Variants in CCDC138 observed in about 807,000 individuals in gnomAD.
CCDC138 encodes the protein coiled-coil domain containing 138.
A neutral mutation model predicts 82.3 loss-of-function variants in CCDC138; 66 were observed. The ratio of observed to expected loss-of-function variants is 0.80; its 90% confidence interval spans 0.66 to 0.98. The LOEUF (loss-of-function observed/expected upper bound fraction) is 0.98, where lower values mean the gene tolerates loss of function less well. Ranked by LOEUF, CCDC138 falls within the 50% of genes least tolerant of loss-of-function variation. The pLI is 0.00. For synonymous variants in CCDC138, 297 were observed against 265.4 expected (o/e 1.12, Z -1.16); for missense variants, 816 against 758.9 (o/e 1.08, Z -0.88).
At chr2:108,811,226 C>G (rs1277946209) in intron 7 of CCDC138, among the ~76,000 whole-genome samples, 1 of 130,052 alleles carries the variant, frequency 7.7e-6, no homozygotes, top group Non-Finnish European at 1.6e-5. Context: ...TCTTCTCTCC[C>G]TTTTCTTTCT....
At chr2:108,853,879 A>T (rs1055843992) in intron 12 of CCDC138, among the ~76,000 whole-genome samples, 2 of 123,098 alleles carry the variant, frequency 1.6e-5, no homozygotes, top group South Asian at 2.2e-4. Context: ...ATACTATATA[A>T]TATATTATAT....
chr2:108,824,171 T>A (rs78956205), intron 10 of CCDC138, among the ~76,000 whole-genome samples: 300 of 7,154 alleles, frequency 0.042, no homozygotes, highest in African/African-American at 0.073. Flanking sequence ...GAAAAAAAAA[T>A]TTTTTCTTCA....
At chr2:108,822,403 A>G (rs1477385814) in intron 10 of CCDC138, among the ~76,000 whole-genome samples, 2 of 152,216 alleles carry the variant, frequency 1.3e-5, no homozygotes, top group Non-Finnish European at 2.9e-5. Flanking sequence ...ACTAGACAGA[A>G]TATAAGTAAG....
chr2:108,839,172 A>G lies in CCDC138; in HGVS notation c.1207-13A>G, dbSNP rs749850934. ...TGTGCCTTTGTATTTATTTTCCATC[A>G]TTTTATCTTTAGCTTTTGCCTCTAA... On this transcript the variant is annotated splice_polypyrimidine_tract_variant and intron_variant, in intron 10 of 14. Transcript: ENST00000295124. 1.8e-5 allele frequency: 28 copies of G among 1,594,590 alleles called. No homozygotes were observed. The highest frequency in any genetic ancestry group is 2.4e-5 in the Non-Finnish European group (28 of 1,171,910).
rs773195278 is a variant in CCDC138, at chr2:108,788,953, G to A, written c.253G>A (p.Val85Ile). Residue 85 changes from valine to isoleucine, a missense_variant, in exon 3 of 15, where the codon GTA (valine) becomes ATA (isoleucine). Val to Ile is a conservative substitution (Grantham distance 29). Transcript: ENST00000295124. Reference sequence around the variant, plus strand: ...ACCATTGGGCAGCTTATTCAAGCACGTAAATGTGAATTGGTAAAGTACCCT... The same window carrying A: ...ACCATTGGGCAGCTTATTCAAGCACATAAATGTGAATTGGTAAAGTACCCT... ...RTPLGSLFKH[V>I]NVNCLDDELD... 1.2e-5 allele frequency: 20 copies of A among 1,613,834 alleles called. No individual in the cohort carries two copies. Among genetic ancestry groups the A allele is most frequent in the Non-Finnish European group, 1.5e-5 (18 of 1,179,948 alleles).
chr2:108,787,711 GT>G (rs201977919), intron 1 of CCDC138, among the ~76,000 whole-genome samples: 40 of 147,840 alleles, frequency 2.7e-4, no homozygotes, highest in African/African-American at 8.2e-4. Context: ...CTGTAAGGTT[GT>G]TTTTTTTTTG....
At chr2:108,853,730 T>C (rs11898227) in intron 12 of CCDC138, among the ~76,000 whole-genome samples, 2,677 of 148,026 alleles carry the variant, frequency 0.018, 94 homozygotes, top group African/African-American at 0.065. Context: ...CTTGCCATGT[T>C]GCCCAAGCTG....
At chr2:108,795,758 G>C (rs1305286289) in intron 5 of CCDC138, among the ~76,000 whole-genome samples, 1 of 152,184 alleles carries the variant, frequency 6.6e-6, no homozygotes, top group Non-Finnish European at 1.5e-5. Flanking sequence ...AATTGGAAAT[G>C]AGAGGTGTTC....
chr2:108,854,962 A>G (rs548708846), intron 12 of CCDC138, among the ~76,000 whole-genome samples: 5 of 152,348 alleles, frequency 3.3e-5, no homozygotes, highest in African/African-American at 9.6e-5. Flanking sequence ...ACCATATTTC[A>G]TACTGATTAA....
chr2:108,838,301 A>G (rs1337948912), intron 10 of CCDC138, among the ~76,000 whole-genome samples: 1 of 152,218 alleles, frequency 6.6e-6, no homozygotes, highest in Non-Finnish European at 1.5e-5. Context: ...TAAGACGTCC[A>G]AAACATCATA....
chr2:108,811,107 T>C (rs10187963), intron 7 of CCDC138, among the ~76,000 whole-genome samples: 1 of 6,892 alleles, frequency 1.5e-4, no homozygotes, highest in South Asian at 4.8e-3. Context: ...TTTCTTTTTT[T>C]TTTTCTTTTT....
intron 13 of CCDC138, among the ~76,000 whole-genome samples, chr2:108,867,934 T>A (rs1374316170): frequency 1.3e-5 from 2 of 152,182 alleles, no homozygotes; most frequent in African/African-American, 2.4e-5. Flanking sequence ...AAAAATAATT[T>A]TATTCTGATT....
chr2:108,794,517 T>C (rs756010546), intron 4 of CCDC138, 23 bp from the exon 5 acceptor site: 2 of 1,579,248 alleles, frequency 1.3e-6, no homozygotes, highest in Admixed American at 3.7e-5. Context: ...AAGTTTATAA[T>C]GCAAATGTTA....
At chr2:108,808,382 G>A (rs1683211910) in intron 7 of CCDC138, among the ~76,000 whole-genome samples, 2 of 152,116 alleles carry the variant, frequency 1.3e-5, no homozygotes, top group South Asian at 4.1e-4. Context: ...ACCCAGAAGT[G>A]GTATTGCAGG....
intron 6 of CCDC138, among the ~76,000 whole-genome samples, chr2:108,799,421 C>T (rs1460927635): frequency 3.3e-5 from 5 of 152,150 alleles, no homozygotes; most frequent in Admixed American, 6.5e-5. Context: ...TAGTTCAGCT[C>T]GCCAGCAGTT....
chr2:108,865,409 A>G (rs1694266610), intron 13 of CCDC138, among the ~76,000 whole-genome samples: 1 of 152,190 alleles, frequency 6.6e-6, no homozygotes, highest in Non-Finnish European at 1.5e-5. Context: ...ATCAGTTTCT[A>G]GAGATTCATC....
chr2:108,871,259 G>A (rs1230508927), intron 13 of CCDC138, among the ~76,000 whole-genome samples: 1 of 151,358 alleles, frequency 6.6e-6, no homozygotes, highest in African/African-American at 2.4e-5. Flanking sequence ...CTAGCCAGGT[G>A]TGGTGTCTCA....
chr2:108,876,083 T>TA lies in CCDC138; in HGVS notation c.1833-4dup. The TA allele has an allele frequency of 6.4e-7, 1 of 1,562,254 alleles. No individual in the cohort carries two copies. The highest frequency in any genetic ancestry group is 1.1e-5 in the South Asian group (1 of 88,958). The stretch of plus-strand genomic sequence containing the variant: ...AATTAAATAATGTATTCATTTTTTT[T>TA]ACAGGAGTAATAAGAAGCTCTTTGA... On this transcript the variant is annotated splice_polypyrimidine_tract_variant and splice_region_variant and intron_variant, in intron 14 of 14. Transcript: ENST00000295124.
intron 12 of CCDC138, among the ~76,000 whole-genome samples, chr2:108,853,350 A>G (rs1008978586): frequency 1.4e-4 from 22 of 152,168 alleles, no homozygotes; most frequent in African/African-American, 4.6e-4. Context: ...GCCCTTAACC[A>G]TATCATGAGC....
Sources: gnomAD v4.1 joint callset for allele counts (sites outside exome capture counted in the v4.1 genomes callset) on GRCh38, gnomAD v4.1.1 for gene constraint, MANE v1.5 for transcripts, NCBI Gene and HGNC (gene_info 2026-07-23, HGNC 2026-07-21) for gene names.